CELSR2: variants seen among roughly 807,000 people sequenced by gnomAD.
CELSR2 encodes the protein cadherin EGF LAG seven-pass G-type receptor 2.
A neutral mutation model predicts 251.6 loss-of-function variants in CELSR2; 81 were observed. The observed-to-expected ratio is 0.32, with a 90% CI of 0.27 to 0.39. The LOEUF (loss-of-function observed/expected upper bound fraction) is 0.39, where lower values mean the gene tolerates loss of function less well. CELSR2 is among the 10% of genes least tolerant of loss of function. The pLI is 1.00. For synonymous variants in CELSR2, 1,721 were observed against 1,670.5 expected (o/e 1.03, Z -0.74); for missense variants, 3,365 against 3,947.7 (o/e 0.85, Z 3.96).
At position 109,251,789 on chromosome 1, in the gene CELSR2, G is replaced by A. The variant is rs751401225; in HGVS notation, c.1710G>A (p.Arg570=). 16 of 1,614,076 alleles carry A rather than the reference G, an allele frequency of 9.9e-6. 1 individual carries two copies. The South Asian group carries it at 1.8e-4, about 18-fold the overall frequency. The change falls in exon 1 of 34, where the codon CGG becomes CGA. Residue 570 remains arginine, a synonymous_variant. Transcript: ENST00000271332. The surrounding 1 kb of genome is among the most constrained non-coding windows in gnomAD (Gnocchi z 4.9). ...TCTCTGTGGCTGCTGAACTGGACCGGGAGGAAGTTGATTTCTACAGCTTTG... is the reference window on the plus strand; with the variant it reads ...TCTCTGTGGCTGCTGAACTGGACCGAGAGGAAGTTGATTTCTACAGCTTTG... The part of the protein sequence containing the change: ...GWISVAAELD[R]EEVDFYSFGV...
chr1:109,268,090 G>C, intron 17 of CELSR2, 30 bp downstream of exon 17: 1 of 1,571,190 alleles, frequency 6.4e-7, no homozygotes, highest in Non-Finnish European at 8.6e-7. Flanking sequence ...GGGCTGGCTG[G>C]TTAGATAGGG....
intron 31 of CELSR2, 59 bp from the exon 32 acceptor site, chr1:109,273,107 G>A: frequency 1.9e-6 from 3 of 1,596,936 alleles, no homozygotes; most frequent in Non-Finnish European, 2.6e-6. Flanking sequence ...CAGGACTGGG[G>A]TGGTGGCCTC....
chr1:109,251,667 A>C lies in CELSR2; in HGVS notation c.1588A>C (p.Ile530Leu), dbSNP rs760643073. 1 of 1,613,750 alleles carries C rather than the reference A, an allele frequency of 6.2e-7. No individual in the cohort carries two copies. The highest frequency in any genetic ancestry group is 1.1e-5 in the South Asian group (1 of 91,062). Residue 530 changes from isoleucine (I) to leucine (L), a missense_variant, in exon 1 of 34, where the codon ATC becomes CTC. By Grantham distance (5) the Ile-to-Leu change is conservative (BLOSUM62 2). Around this residue, in one of 5 missense-constraint regions of CELSR2, gnomAD observed 704 missense variants for 784.1 expected, o/e 0.90. Coordinates refer to ENST00000271332, the MANE Select transcript of CELSR2 (RefSeq NM_001408.3). This position sits in a 1 kb window ranked among gnomAD's most constrained non-coding sequence, Gnocchi z 4.9. ...LGYLVLHVQAIDADAGDNARL... is the reference protein window; with the variant it reads ...LGYLVLHVQALDADAGDNARL... ...CTACCTGGTTCTCCATGTCCAGGCTATCGACGCTGATGCTGGTGACAATGC... is the reference window on the plus strand; with the variant it reads ...CTACCTGGTTCTCCATGTCCAGGCTCTCGACGCTGATGCTGGTGACAATGC...
chr1:109,250,997 T>C lies in CELSR2; in HGVS notation c.918T>C (p.Tyr306=), dbSNP rs1655669950. 8 of 1,613,556 alleles carry C rather than the reference T, an allele frequency of 5.0e-6. No homozygotes were observed. In the South Asian group the frequency reaches 6.6e-5, roughly 13 times the overall value. The change falls in exon 1 of 34, where the codon TAT becomes TAC. Residue 306 remains tyrosine, a synonymous_variant. Transcript: ENST00000271332. This position sits in a 1 kb window ranked among gnomAD's most constrained non-coding sequence, Gnocchi z 4.4. ...ESLRENLEVG[Y]EVLTVRATDG... ...TCAGGGAGAACCTGGAGGTTGGCTA[T>C]GAGGTGCTCACTGTCAGGGCCACGG...
At chr1:109,262,148 A>G in intron 5 of CELSR2, 139 bp from the exon 6 acceptor site, 2 of 1,234,042 alleles carry the variant, frequency 1.6e-6, no homozygotes, top group South Asian at 2.9e-5. Context: ...AAACCACGTG[A>G]GCACACGTGT....
rs59201433 is a variant in CELSR2 at position 109,250,113 on chromosome 1, A to ACGC, written c.47_49dup (p.Pro16dup). The ACGC allele has an allele frequency of 0.68, 1,022,739 of 1,512,846 alleles. 343,325 individuals are homozygous for ACGC. The highest frequency in any genetic ancestry group is 0.77 in the Middle Eastern group (3,761 of 4,886). 93.7% of individuals were successfully genotyped at this position (1,512,846 alleles called of 1,614,324 possible). A position where few individuals can be genotyped will look rare whatever the true frequency, so the allele number is the denominator to read the frequency against. On this transcript the variant is annotated inframe_insertion, in exon 1 of 34. Coordinates refer to ENST00000271332, the MANE Select transcript of CELSR2 (RefSeq NM_001408.3). The surrounding 1 kb of genome is among the most constrained non-coding windows in gnomAD (Gnocchi z 4.4). ...CCCGGCCACCGGCGTCCCCCTCCCAACGCCGCCGCCGCCGCTGCTGCTGCT... is the reference window on the plus strand; with the variant it reads ...CCCGGCCACCGGCGTCCCCCTCCCAACGCCGCCGCCGCCGCCGCTGCTGCTGCT...
rs1482730090 is a variant in CELSR2 at position 109,269,070 on chromosome 1, A to G, written c.6632-40A>G. The G allele has an allele frequency of 6.3e-7, 1 of 1,596,962 alleles. No individual in the cohort carries two copies. The highest frequency in any genetic ancestry group is 2.2e-5 in the East Asian group (1 of 44,496). Reference sequence around the variant, plus strand: ...CCCAGTGTCTGTGCAGACTCCACAGAGAGCAGGGCCCAGCTAAGTGTGACA... The same window carrying G: ...CCCAGTGTCTGTGCAGACTCCACAGGGAGCAGGGCCCAGCTAAGTGTGACA... On this transcript the variant is annotated intron_variant, in intron 19 of 33. Transcript: ENST00000271332. This position sits in a 1 kb window ranked among gnomAD's most constrained non-coding sequence, Gnocchi z 6.4.
intron 17 of CELSR2, among the ~76,000 whole-genome samples, 169 bp from the exon 18 acceptor site, chr1:109,268,412 G>C (rs915484262): frequency 6.6e-6 from 1 of 152,220 alleles, no homozygotes; most frequent in Non-Finnish European, 1.5e-5. Context: ...AGCATCCAGT[G>C]ACCTGAGTGG....
Position 109,263,985 on chromosome 1 carries a change from G to A in CELSR2, c.5002-93G>A, listed in dbSNP as rs2101259566. The A allele has an allele frequency of 4.8e-6, 7 of 1,471,936 alleles. No individual in the cohort carries two copies. The South Asian group carries it at 8.0e-5, about 17-fold the overall frequency. 91.2% of individuals were successfully genotyped at this position (1,471,936 alleles called of 1,614,324 possible). A position where few individuals can be genotyped will look rare whatever the true frequency, so the allele number is the denominator to read the frequency against. On this transcript the variant is annotated intron_variant, in intron 9 of 33. Transcript: ENST00000271332. ...CTCTATGGCCTCAGCTGGGCAGCGGGATGGGTTTGATGGTCCAGAAAGGGG... is the reference window on the plus strand; with the variant it reads ...CTCTATGGCCTCAGCTGGGCAGCGGAATGGGTTTGATGGTCCAGAAAGGGG...
rs778143676 is a variant in CELSR2 at position 109,251,832 on chromosome 1, C to T, written c.1753C>T (p.His585Tyr). The part of the protein sequence containing the change: ...FYSFGVEARD[H>Y]GTPALTASAS... ...CAGCTTTGGGGTAGAAGCTCGAGAC[C>T]ATGGCACTCCAGCACTCACTGCCTC... The change falls in exon 1 of 34, where the codon CAT (histidine) becomes TAT (tyrosine). Residue 585 changes from histidine (H) to tyrosine (Y), a missense_variant. His to Tyr is a moderately conservative substitution (Grantham distance 83, BLOSUM62 2). Transcript: ENST00000271332. The surrounding 1 kb of genome is among the most constrained non-coding windows in gnomAD (Gnocchi z 4.9). 6.8e-6 allele frequency: 11 copies of T among 1,614,114 alleles called. No homozygotes were observed. Among genetic ancestry groups the T allele is most frequent in the Non-Finnish European group, 9.3e-6 (11 of 1,180,024 alleles).
At chr1:109,263,881 A>T (rs1012925119) in intron 9 of CELSR2, 104 bp downstream of exon 9, 1 of 1,449,262 alleles carries the variant, frequency 6.9e-7, no homozygotes, top group African/African-American at 1.4e-5. Context: ...AGGGGTGGGG[A>T]CATATAGAGG....
rs1163204046 is a variant in CELSR2 at position 109,261,391 on chromosome 1, G to A, written c.4182-122G>A. ...GCAGGCTGCCGGCAGAGCCAGGTCT[G>A]CTCTTGGAGTTGCCTGTGGTTCTGC... On this transcript the variant is annotated intron_variant, in intron 3 of 33. Coordinates refer to ENST00000271332, the MANE Select transcript of CELSR2 (RefSeq NM_001408.3). The surrounding 1 kb of genome is among the most constrained non-coding windows in gnomAD (Gnocchi z 4.8). 1 of 1,344,534 alleles carries A rather than the reference G, an allele frequency of 7.4e-7. No individual in the cohort carries two copies. The highest frequency in any genetic ancestry group is 1.1e-6 in the Non-Finnish European group (1 of 944,438). 83.3% of individuals were successfully genotyped at this position (1,344,534 alleles called of 1,614,324 possible).
At chr1:109,270,205 C>A in intron 23 of CELSR2, 72 bp downstream of exon 23, 20 of 1,498,000 alleles carry the variant, frequency 1.3e-5, no homozygotes, top group Non-Finnish European at 1.8e-5. Flanking sequence ...ACTGGCAACC[C>A]CTGCTCCTGC....
intron 2 of CELSR2, among the ~76,000 whole-genome samples, chr1:109,260,246 C>T (rs1049345967): frequency 6.6e-6 from 1 of 151,886 alleles, no homozygotes; most frequent in African/African-American, 2.4e-5. Flanking sequence ...TCACTAGGCA[C>T]AGGAGCTGAG....
intron 9 of CELSR2, 54 bp from the exon 10 acceptor site, chr1:109,264,024 A>G (rs1570786017): frequency 1.3e-6 from 2 of 1,523,558 alleles, no homozygotes; most frequent in Non-Finnish European, 1.8e-6. Flanking sequence ...TGTGAGCTGG[A>G]GAACAGTGAT....
chr1:109,270,974 T>C lies in CELSR2; in HGVS notation c.7531T>C (p.Cys2511Arg), dbSNP rs763150446. 1 of 1,613,966 alleles carries C rather than the reference T, an allele frequency of 6.2e-7. No homozygotes were observed. The highest frequency in any genetic ancestry group is 8.5e-7 in the Non-Finnish European group (1 of 1,180,004). Residue 2511 changes from cysteine to arginine, a missense_variant, in exon 25 of 34, where the codon TGC (cysteine) becomes CGC (arginine). Physicochemically the swap from Cys to Arg is radical, Grantham distance 180. Coordinates refer to ENST00000271332, the MANE Select transcript of CELSR2 (RefSeq NM_001408.3). ...DPEGYGNPDF[C>R]WLSIYDTLIW... ...CGAGGGCTACGGGAACCCTGACTTC[T>C]GCTGGCTCTCCATCTATGACACGCT...
chr1:109,261,463 C>T lies in CELSR2; in HGVS notation c.4182-50C>T, dbSNP rs764661830. 19 of 1,554,822 alleles carry T rather than the reference C, an allele frequency of 1.2e-5. No individual in the cohort carries two copies. Among genetic ancestry groups the T allele is most frequent in the Admixed American group, 1.7e-5 (1 of 59,912 alleles). ...GCTGGTTAGGTGGCGGGGGTGCTGG[C>T]ATCCAGGTGGGTACCCCATTCCCTG... On this transcript the variant is annotated intron_variant, in intron 3 of 33. Coordinates refer to ENST00000271332, the MANE Select transcript of CELSR2 (RefSeq NM_001408.3). The surrounding 1 kb of genome is among the most constrained non-coding windows in gnomAD (Gnocchi z 4.8).
rs1336335678 is a variant in CELSR2, at chr1:109,250,825, G to A, written c.746G>A (p.Arg249His). 6 of 1,613,918 alleles carry A rather than the reference G, an allele frequency of 3.7e-6. No individual in the cohort carries two copies. In the East Asian group the frequency reaches 8.9e-5, roughly 24 times the overall value. ...GTAACCACAGCCGAGGAGCTGGATC[G>A]TGAGACCAAGAGCACCCACGTCTTC... is the stretch of plus-strand genomic sequence containing the variant. ...GAVTTAEELD[R>H]ETKSTHVFRV... The change falls in exon 1 of 34, where the codon CGT becomes CAT. Residue 249 changes from arginine (R) to histidine (H), a missense_variant. Physicochemically the swap from Arg to His is conservative, Grantham distance 29 (BLOSUM62 0). This residue lies in a region of CELSR2 where 704 missense variants were observed against 784.1 expected (regional missense o/e 0.90). Transcript: ENST00000271332. This position sits in a 1 kb window ranked among gnomAD's most constrained non-coding sequence, Gnocchi z 4.4.
intron 24 of CELSR2, 114 bp downstream of exon 24, chr1:109,270,714 G>A (rs1481767318): frequency 4.7e-5 from 63 of 1,348,172 alleles, no homozygotes; most frequent in Non-Finnish European, 5.6e-5. Context: ...GCCCCAGGCC[G>A]CCTTATTCAC....
Sources: allele counts gnomAD v4.1 joint callset (sites outside exome capture counted in the v4.1 genomes callset), GRCh38; gene constraint gnomAD v4.1.1; regional missense constraint gnomAD v4.1.1; non-coding constraint Gnocchi (gnomAD v3.1); transcripts MANE v1.5; gene names NCBI Gene and HGNC (gene_info 2026-07-23, HGNC 2026-07-21).